The following CYP39A1 variants were observed in gnomAD, a reference collection of about 807,000 sequenced individuals.
The protein encoded by CYP39A1 is 24-hydroxycholesterol 7-alpha-hydroxylase.
In CYP39A1, 49 loss-of-function variants were observed where a neutral mutation model predicts 58.1. That is an observed-to-expected ratio of 0.84 (90% CI 0.67 to 1.07). The LOEUF (loss-of-function observed/expected upper bound fraction) is 1.07, where lower values mean the gene tolerates loss of function less well. Ranked by LOEUF, CYP39A1 falls within the 50% of genes least tolerant of loss-of-function variation. The probability of loss-of-function intolerance (pLI) is 0.00; values close to 1 mark genes in which losing one functional copy is unlikely to be tolerated. For missense variants in CYP39A1, 531 were observed against 539.4 expected, an observed-to-expected ratio of 0.98 and a Z score of 0.16; for synonymous variants, 209 against 187.6, an observed-to-expected ratio of 1.11 and a Z score of -0.93.
At chr6:46,585,684 A>G (rs1772434147) in intron 10 of CYP39A1, among the ~76,000 whole-genome samples, 1 of 152,140 alleles carries the variant, frequency 6.6e-6, no homozygotes, top group Non-Finnish European at 1.5e-5. Context: ...TGGAACCCTC[A>G]ACTAAAAGTG....
At chr6:46,578,460 C>T (rs1771957965) in intron 10 of CYP39A1, among the ~76,000 whole-genome samples, 2 of 151,186 alleles carry the variant, frequency 1.3e-5, no homozygotes, top group Non-Finnish European at 3.0e-5. Context: ...AATCGAGACG[C>T]AAAAATCCAT....
At chr6:46,650,535 G>A (rs1485174187) in intron 1 of CYP39A1, among the ~76,000 whole-genome samples, 7 of 104,530 alleles carry the variant, frequency 6.7e-5, no homozygotes, top group South Asian at 3.5e-4. Flanking sequence ...ACAAGGTCTC[G>A]CTCTGTTGCC....
intron 6 of CYP39A1, among the ~76,000 whole-genome samples, chr6:46,627,311 G>C (rs1038244626): frequency 2.6e-5 from 4 of 152,140 alleles, no homozygotes; most frequent in Non-Finnish European, 4.4e-5. Context: ...GTTCATAGTT[G>C]TATGTGCCTA....
intron 7 of CYP39A1, among the ~76,000 whole-genome samples, chr6:46,624,630 C>T (rs1775190122): frequency 6.6e-6 from 1 of 152,002 alleles, no homozygotes; most frequent in South Asian, 2.1e-4. Flanking sequence ...CATTAACTGG[C>T]ATCATACCTT....
chr6:46,637,819 C>G lies in CYP39A1; in HGVS notation c.638+10G>C. ...TGGTCAATGAATTAATTATAGGAAACAACTGTTACCTTAGAAGACACTCTG... is the reference window on the plus strand; with the variant it reads ...TGGTCAATGAATTAATTATAGGAAAGAACTGTTACCTTAGAAGACACTCTG... On this transcript the variant is annotated intron_variant, in intron 4 of 11. Transcript: ENST00000275016. 6.2e-7 allele frequency: 1 copy of G among 1,608,068 alleles called. No homozygotes were observed. The highest frequency in any genetic ancestry group is 8.5e-7 in the Non-Finnish European group (1 of 1,178,618).
At chr6:46,608,684 G>A (rs1013008307) in intron 7 of CYP39A1, among the ~76,000 whole-genome samples, 3 of 151,616 alleles carry the variant, frequency 2.0e-5, no homozygotes, top group Non-Finnish European at 4.4e-5. Context: ...GCACAATCTC[G>A]GCTGATTGCA....
intron 8 of CYP39A1, among the ~76,000 whole-genome samples, chr6:46,590,625 T>C (rs1050291283): frequency 4.6e-5 from 7 of 152,304 alleles, no homozygotes; most frequent in East Asian, 1.9e-4. Context: ...TACAAAAAGT[T>C]TGGAAAATTC....
Position 46,599,558 on chromosome 6 carries a change from C to T in CYP39A1, c.932-3438G>A, listed in dbSNP as rs545075453. 4.6e-5 allele frequency among the ~76,000 whole-genome samples: 7 copies of T among 152,224 alleles called. 1 individual carries two copies. In the South Asian group the frequency reaches 1.5e-3, roughly 32 times the overall value. On this transcript the variant is annotated intron_variant, in intron 7 of 11. Coordinates refer to ENST00000275016, the MANE Select transcript of CYP39A1 (RefSeq NM_016593.5). ...TGTTCCACTGAGGTTCCAGTCTGCTCATACCAGATGAATCCAGAGATGACA... is the reference window on the plus strand; with the variant it reads ...TGTTCCACTGAGGTTCCAGTCTGCTTATACCAGATGAATCCAGAGATGACA...
chr6:46,622,405 A>G (rs1023121965), intron 7 of CYP39A1, among the ~76,000 whole-genome samples: 2 of 152,044 alleles, frequency 1.3e-5, no homozygotes, highest in Non-Finnish European at 2.9e-5. Context: ...ATAGCTCAAG[A>G]TGACAACCTG....
In CYP39A1 at chr6:46,643,709, G is replaced by C. The variant is rs905954809; in HGVS notation, c.178-1411C>G. The stretch of plus-strand genomic sequence containing the variant: ...TAATTGTTGATGTGAGGCATTTAAA[G>C]TAACTGCAATATAACTGCGGAGTAA... On this transcript the variant is annotated intron_variant, in intron 1 of 11. Transcript: ENST00000275016. Among the ~76,000 whole-genome samples the C allele has an allele frequency of 5.3e-5, 8 of 152,330 alleles. No individual in the cohort carries two copies. In the East Asian group the frequency reaches 1.5e-3, roughly 29 times the overall value.
chr6:46,578,820 A>G (rs1561961206), intron 10 of CYP39A1, among the ~76,000 whole-genome samples: 3 of 152,002 alleles, frequency 2.0e-5, no homozygotes, highest in East Asian at 1.9e-4. Context: ...ATAATCTAAC[A>G]ACCAAAAAAG....
intron 6 of CYP39A1, among the ~76,000 whole-genome samples, chr6:46,628,564 A>G (rs768790675): frequency 5.3e-5 from 8 of 152,182 alleles, no homozygotes; most frequent in African/African-American, 1.2e-4. Flanking sequence ...TTGGGCCACA[A>G]TGGAGCCTCC....
chr6:46,652,752 AT>A lies in CYP39A1; in HGVS notation c.-171del. On this transcript the variant is annotated 5_prime_UTR_variant, in exon 1 of 12. An upstream open reading frame in the 5' UTR gains an earlier in-frame stop. Transcript: ENST00000275016. The stretch of plus-strand genomic sequence containing the variant: ...CTTCCTCTGTCCCAGTTTTCAGGTG[AT>A]TTTTCCATTGTCGCTCCCTCCCACC... 1 of 577,516 alleles carries A rather than the reference AT, an allele frequency of 1.7e-6. No individual in the cohort carries two copies. The highest frequency in any genetic ancestry group is 2.9e-6 in the Non-Finnish European group (1 of 346,568). 35.8% of individuals were successfully genotyped at this position (577,516 alleles called of 1,614,324 possible).
chr6:46,639,406 T>C, intron 3 of CYP39A1, 88 bp downstream of exon 3: 1 of 1,261,376 alleles, frequency 7.9e-7, no homozygotes, highest in Non-Finnish European at 1.1e-6. Flanking sequence ...TTAATCAACC[T>C]GACAATGTTT....
At chr6:46,553,379 A>G (rs1264423184) in intron 11 of CYP39A1, among the ~76,000 whole-genome samples, 1 of 152,222 alleles carries the variant, frequency 6.6e-6, no homozygotes, top group Non-Finnish European at 1.5e-5. Flanking sequence ...CAGATGGACC[A>G]AGGGTTATGA....
Position 46,597,340 on chromosome 6 carries a change from G to T in CYP39A1, c.932-1220C>A, listed in dbSNP as rs1484929611. Among the ~76,000 whole-genome samples, 4 of 152,142 alleles carry T rather than the reference G, an allele frequency of 2.6e-5. No homozygotes were observed. The South Asian group carries it at 8.3e-4, about 32-fold the overall frequency. On this transcript the variant is annotated intron_variant, in intron 7 of 11. Transcript: ENST00000275016. ...GGAGGTAAGAGACAAGCACACAGTT[G>T]ACTAGTACAACATGTAGGCAAAGAA...
intron 10 of CYP39A1, among the ~76,000 whole-genome samples, chr6:46,564,384 C>T (rs187410821): frequency 1.3e-5 from 2 of 151,624 alleles, no homozygotes; most frequent in Admixed American, 6.6e-5. Context: ...TTAGTAGAGA[C>T]GAGGTTTCAC....
intron 10 of CYP39A1, among the ~76,000 whole-genome samples, chr6:46,562,421 A>C (rs1771030343): frequency 6.6e-6 from 1 of 152,156 alleles, no homozygotes; most frequent in African/African-American, 2.4e-5. Context: ...CAACATGTAC[A>C]TATTCAAAGC....
At chr6:46,600,759 T>C (rs1294395724) in intron 7 of CYP39A1, among the ~76,000 whole-genome samples, 1 of 152,204 alleles carries the variant, frequency 6.6e-6, no homozygotes, top group African/African-American at 2.4e-5. Context: ...CCTTGCCCTA[T>C]GTGCTTCCTC....
Sources: gnomAD v4.1 joint callset for allele counts (sites outside exome capture counted in the v4.1 genomes callset) on GRCh38, gnomAD v4.1.1 for gene constraint, MANE v1.5 for transcripts, NCBI Gene and HGNC (gene_info 2026-07-23, HGNC 2026-07-21) for gene names.